The following PDLIM2 variants were observed in gnomAD, a reference collection of about 807,000 sequenced individuals.
PDLIM2 encodes PDZ and LIM domain protein 2.
A neutral mutation model predicts 54.1 loss-of-function variants in PDLIM2; 51 were observed. The ratio of observed to expected loss-of-function variants is 0.94; its 90% CI spans 0.75 to 1.19. The LOEUF (loss-of-function observed/expected upper bound fraction) is 1.19. Among genes scored for constraint, PDLIM2 ranks in the 50% most tolerant of loss-of-function variants. The pLI, the probability that PDLIM2 is intolerant of heterozygous loss-of-function variation, is 0.00. For missense variants in PDLIM2, 912 were observed against 874.0 expected, an observed-to-expected ratio of 1.04 and a Z score of -0.55; for synonymous variants, 398 against 385.6, an observed-to-expected ratio of 1.03 and a Z score of -0.38.
At chr8:22,582,005 T>G (rs62492626) in intron 3 of PDLIM2, among the ~76,000 whole-genome samples, 1 of 152,110 alleles carries the variant, frequency 6.6e-6, no homozygotes, top group Admixed American at 6.5e-5. Context: ...TGTCTGTTCC[T>G]CCCCATCACT....
chr8:22,581,129 G>C (rs1296500084), intron 2 of PDLIM2: 1 of 671,262 alleles, frequency 1.5e-6, no homozygotes, highest in African/African-American at 1.8e-5. Context: ...TCCAAGCACA[G>C]TTCCTGAAAT....
At chr8:22,586,882 C>T (rs938104483) in intron 6 of PDLIM2, among the ~76,000 whole-genome samples, 4 of 152,144 alleles carry the variant, frequency 2.6e-5, no homozygotes, top group East Asian at 1.9e-4. Flanking sequence ...AGCCTACACC[C>T]GCTGAATTGG....
At chr8:22,579,519 G>T in exon 1 of PDLIM2, 1 of 1,490,940 alleles carries the variant, frequency 6.7e-7, no homozygotes, top group African/African-American at 1.4e-5. Flanking sequence ...TCCACTGACC[G>T]GCTCAAAGGT....
At chr8:22,581,197 G>T in intron 2 of PDLIM2, 182 bp from the exon 2 acceptor site, 5 of 735,400 alleles carry the variant, frequency 6.8e-6, no homozygotes, top group South Asian at 1.7e-5. Context: ...GGTGGGGGCT[G>T]CCACCTGCGC....
At chr8:22,579,807 G>A in intron 1 of PDLIM2, 1 of 378,238 alleles carries the variant, frequency 2.6e-6, no homozygotes, top group East Asian at 4.0e-5. Flanking sequence ...GGGTCTGTCT[G>A]CAAGGGCACT....
At chr8:22,579,260 G>C (rs758956882) in exon 1 of PDLIM2, 2 of 1,356,398 alleles carry the variant, frequency 1.5e-6, no homozygotes, top group African/African-American at 3.1e-5. Flanking sequence ...CGCGCGGCCC[G>C]CCCTCCCCGG....
chr8:22,583,099 C>T (rs1438254653), intron 3 of PDLIM2, among the ~76,000 whole-genome samples: 1 of 151,990 alleles, frequency 6.6e-6, no homozygotes, highest in Admixed American at 6.6e-5. Context: ...GCCTCACGGC[C>T]AGGAATGTGT....
chr8:22,587,361 C>T (rs964165490), intron 6 of PDLIM2, among the ~76,000 whole-genome samples: 1 of 152,068 alleles, frequency 6.6e-6, no homozygotes, highest in South Asian at 2.1e-4. Context: ...GTGAAACCCC[C>T]ATCTCTTTAA....
At chr8:22,586,272 G>A (rs968496135) in intron 6 of PDLIM2, among the ~76,000 whole-genome samples, 6 of 152,186 alleles carry the variant, frequency 3.9e-5, no homozygotes, top group Admixed American at 1.3e-4. Flanking sequence ...CTAGTGACCC[G>A]CTGCGTGCCC....
At chr8:22,579,242 C>T in exon 1 of PDLIM2, 3 of 1,361,576 alleles carry the variant, frequency 2.2e-6, no homozygotes, top group South Asian at 3.6e-5. Flanking sequence ...CGCCCACCTG[C>T]GCCTCTCCGC....
At chr8:22,579,912 G>A (rs899198345) in intron 1 of PDLIM2, 1 of 201,580 alleles carries the variant, frequency 5.0e-6, no homozygotes, top group Non-Finnish European at 1.0e-5. Flanking sequence ...TGTCCAGCTT[G>A]ACAGATGAAC....
exon 10 of PDLIM2, chr8:22,594,008 G>C: frequency 6.8e-7 from 1 of 1,473,836 alleles, no homozygotes; most frequent in South Asian, 1.4e-5. Flanking sequence ...TCTTACATGA[G>C]CTAAGTTTGG....
chr8:22,585,836 T>C (rs1270552509), intron 6 of PDLIM2: 1 of 144,140 alleles, frequency 6.9e-6, no homozygotes, highest in Non-Finnish European at 1.5e-5. Flanking sequence ...CCCTTCCTCC[T>C]CTGACTCAGC....
intron 3 of PDLIM2, among the ~76,000 whole-genome samples, chr8:22,583,520 T>C (rs1800273163): frequency 6.6e-6 from 1 of 152,136 alleles, no homozygotes; most frequent in South Asian, 2.1e-4. Context: ...AATTTCAGCA[T>C]TTTGGGAGGC....
intron 9 of PDLIM2, chr8:22,593,532 A>G (rs1266353372): frequency 1.8e-6 from 1 of 564,516 alleles, no homozygotes; most frequent in African/African-American, 1.9e-5. Context: ...AGCTGAGATC[A>G]CACCATTGTA....
At chr8:22,580,628 C>T (rs751704663) in exon 2 of PDLIM2, 27 of 1,613,890 alleles carry the variant, frequency 1.7e-5, no homozygotes, top group East Asian at 1.3e-4. Flanking sequence ...TGGATGTGGC[C>T]GGGCCAGCGC....
chr8:22,593,730 C>T lies in PDLIM2; in HGVS notation c.1632-3C>T, dbSNP rs1461975483. 2 of 1,576,538 alleles carry T rather than the reference C, an allele frequency of 1.3e-6. No homozygotes were observed. The highest frequency in any genetic ancestry group is 2.3e-5 in the South Asian group (2 of 85,916). On this transcript the variant is annotated splice_region_variant and splice_polypyrimidine_tract_variant and intron_variant, in intron 9 of 9. Coordinates refer to ENST00000308354, the Ensembl canonical transcript of PDLIM2. ...TGAGCTAAAGCCTCTCCCTCCCCTTCAGGAACCAGGCTGTGCGCATCCAGG... is the reference window on the plus strand; with the variant it reads ...TGAGCTAAAGCCTCTCCCTCCCCTTTAGGAACCAGGCTGTGCGCATCCAGG...
intron 1 of PDLIM2, chr8:22,579,550 G>A (rs896077598): frequency 1.4e-6 from 2 of 1,442,240 alleles, no homozygotes; most frequent in East Asian, 2.9e-5. Flanking sequence ...CGGGGCGGCC[G>A]CGAGCCGGCC....
downstream of PDLIM2, chr8:22,596,685 AC>A (rs1800690629): frequency 6.6e-6 from 1 of 151,560 alleles, no homozygotes; most frequent in Non-Finnish European, 1.5e-5. Flanking sequence ...ATCTGGTACA[AC>A]CCCCTTTGGT....
Sources: gnomAD v4.1 joint callset for allele counts (sites outside exome capture counted in the v4.1 genomes callset) on GRCh38, gnomAD v4.1.1 for gene constraint, MANE v1.5 for transcripts, NCBI Gene and HGNC (gene_info 2026-07-23, HGNC 2026-07-21) for gene names.